Variants in PCDHA3 observed in about 807,000 individuals in gnomAD.
PCDHA3 encodes the protein protocadherin alpha-3.
PCDHA3 carries 41 observed loss-of-function variants against 62.2 expected under a neutral mutation model. The observed-to-expected ratio is 0.66, with a 90% CI of 0.51 to 0.86. The LOEUF (loss-of-function observed/expected upper bound fraction) is 0.86, where lower values mean the gene tolerates loss of function less well. PCDHA3 is among the 40% of genes least tolerant of loss of function. The pLI is 0.00. For synonymous variants in PCDHA3, 640 were observed against 555.4 expected, an observed-to-expected ratio of 1.15 and a Z score of -2.14; for missense variants, 1,304 against 1,241.2, an observed-to-expected ratio of 1.05 and a Z score of -0.76.
At chr5:140,991,539 C>T (rs1458315356) in intron 3 of PCDHA3, among the ~76,000 whole-genome samples, 3 of 152,164 alleles carry the variant, frequency 2.0e-5, no homozygotes, top group Admixed American at 6.6e-5. Context: ...CACTATATAA[C>T]AAGGATCCAC....
At chr5:140,897,915 T>C (rs2066399470) in intron 1 of PCDHA3, among the ~76,000 whole-genome samples, 1 of 152,246 alleles carries the variant, frequency 6.6e-6, no homozygotes. Context: ...ATTGTGGTTT[T>C]GATTTGCGTT....
intron 1 of PCDHA3, chr5:140,929,229 C>T: frequency 6.2e-7 from 1 of 1,613,880 alleles, no homozygotes; most frequent in South Asian, 1.1e-5. Context: ...ATGCTGCCGA[C>T]CTGCGAAATC....
At chr5:140,893,655 T>G (rs894439477) in intron 1 of PCDHA3, among the ~76,000 whole-genome samples, 1 of 152,200 alleles carries the variant, frequency 6.6e-6, no homozygotes, top group Non-Finnish European at 1.5e-5. Flanking sequence ...GCTGATAGTT[T>G]TAAAAAATTT....
chr5:140,870,554 A>G (rs1554164402), intron 1 of PCDHA3: 1 of 1,614,044 alleles, frequency 6.2e-7, no homozygotes, highest in Non-Finnish European at 8.5e-7. Flanking sequence ...GCGGACGCGC[A>G]GGAGAACGCG....
chr5:140,857,348 C>T lies in PCDHA3; in HGVS notation c.2394+53757C>T, dbSNP rs782358430. 9.4e-6 allele frequency: 15 copies of T among 1,598,398 alleles called. 2 individuals carry two copies. The highest frequency in any genetic ancestry group is 6.7e-5 in the African/African-American group (5 of 74,370). On this transcript the variant is annotated intron_variant, in intron 1 of 3. Coordinates refer to ENST00000522353, the MANE Select transcript of PCDHA3 (RefSeq NM_018906.3). ...CGCGCGGGACGGGGGCTCGCCTCCG[C>T]TGTGGGCCACGGCCAGCGTGTCTGT... is the stretch of plus-strand genomic sequence containing the variant.
At chr5:140,817,203 A>C (rs1267159890) in intron 1 of PCDHA3, 1 of 152,316 alleles carries the variant, frequency 6.6e-6, no homozygotes, top group Non-Finnish European at 1.5e-5. Context: ...CACTGAATGC[A>C]TGCTTTACTT....
intron 3 of PCDHA3, among the ~76,000 whole-genome samples, chr5:141,009,094 C>A (rs1350235475): frequency 6.6e-6 from 1 of 152,176 alleles, no homozygotes; most frequent in Non-Finnish European, 1.5e-5. Context: ...AAGAACCAAA[C>A]ATATGTTACT....
At chr5:140,856,365 A>G in intron 1 of PCDHA3, 1 of 1,598,426 alleles carries the variant, frequency 6.3e-7, no homozygotes, top group Non-Finnish European at 8.6e-7. Flanking sequence ...ATCCACCTGG[A>G]GGTGATCGTG....
Position 140,855,858 on chromosome 5 carries a change from G to A in PCDHA3, c.2394+52267G>A, listed in dbSNP as rs1203638572. 5 of 715,820 alleles carry A rather than the reference G, an allele frequency of 7.0e-6. 1 individual carries two copies. Among genetic ancestry groups the A allele is most frequent in the Non-Finnish European group, 1.1e-5 (5 of 445,056 alleles). The allele number at this position is 715,820 out of a possible 1,614,324, so 44.3% of individuals were successfully genotyped here. A position where few individuals can be genotyped will look rare whatever the true frequency, so the allele number is the denominator to read the frequency against. On this transcript the variant is annotated intron_variant, in intron 1 of 3. Coordinates refer to ENST00000522353, the MANE Select transcript of PCDHA3 (RefSeq NM_018906.3). ...CTTACACCTAAAGCCACCGGATGTC[G>A]CTGTCGTCCACAAAATAGCTTTTTA...
chr5:140,946,611 A>AATATATATATATATATATAT lies in PCDHA3; in HGVS notation c.2395-32336_2395-32317dup, dbSNP rs1554217734. On this transcript the variant is annotated intron_variant, in intron 1 of 3. Transcript: ENST00000522353. ...GGATGAATAGATAAAGAAAATGTGA[A>AATATATATATATATATATAT]ATATATATATATATATATATACAAT... Among the ~76,000 whole-genome samples the AATATATATATATATATATAT allele has an allele frequency of 2.4e-3, 212 of 86,734 alleles. 8 individuals carry two copies. Among genetic ancestry groups the AATATATATATATATATATAT allele is most frequent in the Middle Eastern group, 0.011 (2 of 186 alleles). The allele number at this position is 86,734 out of a possible 152,430, so 56.9% of individuals were successfully genotyped here.
intron 1 of PCDHA3, chr5:140,851,028 C>G: frequency 7.1e-7 from 1 of 1,410,134 alleles, no homozygotes. Flanking sequence ...AAAGTAAACC[C>G]CTTAACATTG....
At chr5:140,983,904 C>T (rs1227752084) in intron 3 of PCDHA3, among the ~76,000 whole-genome samples, 2 of 152,164 alleles carry the variant, frequency 1.3e-5, no homozygotes, top group African/African-American at 4.8e-5. Context: ...TTCGTTGATT[C>T]TAATCAGCCA....
chr5:140,838,268 C>G (rs1775630088), intron 1 of PCDHA3, among the ~76,000 whole-genome samples: 1 of 138,020 alleles, frequency 7.2e-6, no homozygotes, highest in African/African-American at 2.8e-5. Flanking sequence ...CGCCAACAAC[C>G]AAGCCATGCT....
At chr5:140,848,661 C>G in intron 1 of PCDHA3, 1 of 1,592,380 alleles carries the variant, frequency 6.3e-7, no homozygotes, top group African/African-American at 1.3e-5. Context: ...GGGGCTGGAG[C>G]TGGCGGAGCT....
At chr5:140,944,608 G>T (rs2093673405) in intron 1 of PCDHA3, among the ~76,000 whole-genome samples, 1 of 152,176 alleles carries the variant, frequency 6.6e-6, no homozygotes, top group Non-Finnish European at 1.5e-5. Context: ...AGAGTAGTGT[G>T]CTGTAGAAGT....
intron 1 of PCDHA3, chr5:140,807,983 G>T (rs782039700): frequency 6.2e-7 from 1 of 1,613,482 alleles, no homozygotes; most frequent in Non-Finnish European, 8.5e-7. Flanking sequence ...TAAACTTAAC[G>T]CCTCAGATTT....
At chr5:140,905,407 A>G (rs2071810139) in intron 1 of PCDHA3, among the ~76,000 whole-genome samples, 1 of 152,158 alleles carries the variant, frequency 6.6e-6, no homozygotes, top group Non-Finnish European at 1.5e-5. Context: ...CTATTTTTAT[A>G]CCAGTACCAT....
intron 1 of PCDHA3, among the ~76,000 whole-genome samples, chr5:140,887,041 A>G (rs1166286264): frequency 6.6e-6 from 1 of 152,026 alleles, no homozygotes; most frequent in African/African-American, 2.4e-5. Flanking sequence ...AATATTTTTT[A>G]TAGTGCATAT....
At chr5:140,841,678 G>A in intron 1 of PCDHA3, 3 of 1,613,980 alleles carry the variant, frequency 1.9e-6, no homozygotes, top group Non-Finnish European at 1.7e-6. Context: ...TTTTCCATGT[G>A]GACGTGGAGG....
Sources: allele counts gnomAD v4.1 joint callset (sites outside exome capture counted in the v4.1 genomes callset), GRCh38; gene constraint gnomAD v4.1.1; transcripts MANE v1.5; gene names NCBI Gene and HGNC (gene_info 2026-07-23, HGNC 2026-07-21).